The following CSRNP3 variants were observed in gnomAD, a reference collection of about 807,000 sequenced individuals.
CSRNP3 encodes the protein cysteine and serine rich nuclear protein 3, also known as cysteine/serine-rich nuclear protein 3.
In CSRNP3, 12 loss-of-function variants were observed where a neutral mutation model predicts 48.0. The observed-to-expected ratio is 0.25, with a 90% CI of 0.16 to 0.41. The LOEUF is 0.41. Among genes scored for constraint, CSRNP3 ranks in the 10% least tolerant of loss-of-function variants. The pLI is 1.00. For missense variants in CSRNP3, 580 were observed against 724.4 expected, an observed-to-expected ratio of 0.80 and a Z score of 2.29; for synonymous variants, 263 against 269.7, an observed-to-expected ratio of 0.98 and a Z score of 0.24.
At chr2:165,517,150 T>A (rs967071775) in intron 2 of CSRNP3, among the ~76,000 whole-genome samples, 22 of 151,984 alleles carry the variant, frequency 1.4e-4, no homozygotes, top group Non-Finnish European at 2.7e-4. Flanking sequence ...AATTCATTAG[T>A]GGTTTAGAAA....
intron 6 of CSRNP3, among the ~76,000 whole-genome samples, chr2:165,678,219 G>A (rs1687461320): frequency 6.6e-6 from 1 of 152,126 alleles, no homozygotes; most frequent in African/African-American, 2.4e-5. Context: ...AAAGCAAAAG[G>A]AAAAGTTAAC....
At chr2:165,483,054 A>G (rs112321567) in intron 1 of CSRNP3, among the ~76,000 whole-genome samples, 1 of 144,256 alleles carries the variant, frequency 6.9e-6, no homozygotes, top group African/African-American at 2.6e-5. Context: ...GTATATATAT[A>G]TGTATATAAA....
At chr2:165,576,912 A>G (rs1240569070) in intron 3 of CSRNP3, among the ~76,000 whole-genome samples, 2 of 152,036 alleles carry the variant, frequency 1.3e-5, no homozygotes, top group African/African-American at 2.4e-5. Flanking sequence ...GGATTTTTCA[A>G]AAATGAATTT....
At chr2:165,603,087 G>A (rs1037278550) in intron 4 of CSRNP3, among the ~76,000 whole-genome samples, 1 of 151,856 alleles carries the variant, frequency 6.6e-6, no homozygotes, top group Non-Finnish European at 1.5e-5. Context: ...AGTAGAGACG[G>A]GGCTTCACCG....
At chr2:165,585,741 G>A (rs1685617193) in intron 3 of CSRNP3, among the ~76,000 whole-genome samples, 1 of 152,160 alleles carries the variant, frequency 6.6e-6, no homozygotes, top group Non-Finnish European at 1.5e-5. Flanking sequence ...ATGCCACCTT[G>A]TAATGCAAGT....
intron 4 of CSRNP3, among the ~76,000 whole-genome samples, chr2:165,597,532 C>T (rs914549363): frequency 2.0e-5 from 3 of 151,626 alleles, no homozygotes; most frequent in Admixed American, 6.6e-5. Context: ...TTTTGCCAGA[C>T]ATTTAGTAGA....
chr2:165,591,149 C>A (rs1685710230), intron 3 of CSRNP3, among the ~76,000 whole-genome samples: 1 of 152,130 alleles, frequency 6.6e-6, no homozygotes, highest in Non-Finnish European at 1.5e-5. Context: ...TGAAGCCCAG[C>A]CTCAGGAGGA....
At chr2:165,659,645 G>A (rs539500150) in intron 5 of CSRNP3, among the ~76,000 whole-genome samples, 82 of 152,230 alleles carry the variant, frequency 5.4e-4, no homozygotes, top group African/African-American at 1.7e-3. Flanking sequence ...ACACTCTTCC[G>A]TTGGATTATC....
chr2:165,483,631 T>A (rs1684076778), intron 1 of CSRNP3, among the ~76,000 whole-genome samples: 1 of 152,192 alleles, frequency 6.6e-6, no homozygotes, highest in Non-Finnish European at 1.5e-5. Flanking sequence ...CTGGGAGAAT[T>A]ATAAACCACA....
chr2:165,627,973 C>T (rs1686466927), intron 4 of CSRNP3, among the ~76,000 whole-genome samples: 1 of 152,320 alleles, frequency 6.6e-6, no homozygotes, highest in Middle Eastern at 3.4e-3. Flanking sequence ...GCAAATTGTA[C>T]TGGAGCTGTT....
At chr2:165,527,586 A>G (rs1223930645) in intron 3 of CSRNP3, among the ~76,000 whole-genome samples, 1 of 152,140 alleles carries the variant, frequency 6.6e-6, no homozygotes, top group Non-Finnish European at 1.5e-5. Context: ...TCACACACAC[A>G]CATGCATAAA....
intron 3 of CSRNP3, among the ~76,000 whole-genome samples, chr2:165,543,917 C>G (rs1023081265): frequency 2.6e-5 from 4 of 151,966 alleles, no homozygotes; most frequent in African/African-American, 7.2e-5. Flanking sequence ...GAGATCAAGA[C>G]ACTTGCCCTC....
At chr2:165,484,026 A>T (rs16850751) in intron 1 of CSRNP3, among the ~76,000 whole-genome samples, 35,104 of 152,038 alleles carry the variant, frequency 0.23, 4,240 homozygotes, top group East Asian at 0.34. Flanking sequence ...TAGTAAGAAA[A>T]TTGTATTTTA....
At chr2:165,480,012 C>T (rs1324454259) in intron 1 of CSRNP3, among the ~76,000 whole-genome samples, 1 of 152,132 alleles carries the variant, frequency 6.6e-6, no homozygotes, top group Non-Finnish European at 1.5e-5. Context: ...TACTTCCAAG[C>T]TCATTCTTGT....
At chr2:165,622,755 C>G (rs530826107) in intron 4 of CSRNP3, among the ~76,000 whole-genome samples, 2 of 152,134 alleles carry the variant, frequency 1.3e-5, no homozygotes, top group East Asian at 3.9e-4. Context: ...TTACTCATAC[C>G]CATTAGTCAG....
chr2:165,527,386 T>C lies in CSRNP3; in HGVS notation c.-24+9425T>C, dbSNP rs138590648. On this transcript the variant is annotated intron_variant, in intron 3 of 6. Transcript: ENST00000651982. ...ACGCCCAGCTAATTTTTTGTATTTT[T>C]AGTAGAGACGGCGTTTCACCATGTT... Among the ~76,000 whole-genome samples the C allele has an allele frequency of 1.2e-4, 18 of 151,964 alleles. No homozygotes were observed. In the East Asian group the frequency reaches 3.5e-3, roughly 30 times the overall value.
intron 3 of CSRNP3, among the ~76,000 whole-genome samples, chr2:165,527,769 A>G (rs2105240918): frequency 6.6e-6 from 1 of 152,290 alleles, no homozygotes; most frequent in South Asian, 2.1e-4. Flanking sequence ...ATGGCCAACT[A>G]CTTAAAGTAT....
intron 5 of CSRNP3, 95 bp from the exon 6 acceptor site, chr2:165,676,217 G>A: frequency 2.3e-6 from 2 of 863,180 alleles, no homozygotes; most frequent in Non-Finnish European, 3.7e-6. Context: ...ATGAGGACAT[G>A]ATGATATATA....
At chr2:165,585,715 A>G (rs1685616912) in intron 3 of CSRNP3, among the ~76,000 whole-genome samples, 1 of 152,222 alleles carries the variant, frequency 6.6e-6, no homozygotes, top group Admixed American at 6.5e-5. Flanking sequence ...ACAAATCACA[A>G]AAAATCCCTC....
Sources: allele counts gnomAD v4.1 joint callset (sites outside exome capture counted in the v4.1 genomes callset), GRCh38; gene constraint gnomAD v4.1.1; transcripts MANE v1.5; gene names NCBI Gene and HGNC (gene_info 2026-07-23, HGNC 2026-07-21).